TPPP: variants seen among roughly 807,000 people sequenced by gnomAD.
The protein encoded by TPPP is tubulin polymerization promoting protein, also known as tubulin polymerization-promoting protein.
Under a neutral mutation model 15.5 loss-of-function variants are expected in TPPP, and 6 were observed. The observed-to-expected ratio is 0.39, with a 90% confidence interval of 0.21 to 0.77. The LOEUF is 0.77. Ranked by LOEUF, TPPP falls within the 30% of genes least tolerant of loss-of-function variation. TPPP has a pLI of 0.42. For synonymous variants in TPPP, 146 were observed against 133.9 expected, an observed-to-expected ratio of 1.09 and a Z score of -0.63; for missense variants, 269 against 307.2, an observed-to-expected ratio of 0.88 and a Z score of 0.93.
In TPPP at chr5:660,540, C is replaced by T. The variant is rs1339963076; in HGVS notation, c.*4562G>A. 6.6e-6 allele frequency: 1 copy of T among 152,458 alleles called. No individual in the cohort carries two copies. The highest frequency in any genetic ancestry group is 6.5e-5 in the Admixed American group (1 of 15,286). The allele number at this position is 152,458 out of a possible 1,614,324, so 9.4% of individuals were successfully genotyped here. A position where few individuals can be genotyped will look rare whatever the true frequency, so the allele number is the denominator to read the frequency against. ...ATCACGGTCCAGCCTCATCTTCCCC[C>T]TGTGCCATCCCCTCGTGGTGTGTGC... On this transcript the variant is annotated 3_prime_UTR_variant, in exon 4 of 4. Coordinates refer to ENST00000360578, the MANE Select transcript of TPPP (RefSeq NM_007030.3).
chr5:693,662 C>A (rs1226970635), upstream of TPPP, among the ~76,000 whole-genome samples: 2 of 151,618 alleles, frequency 1.3e-5, no homozygotes, highest in Non-Finnish European at 2.9e-5. Flanking sequence ...TCACCTGGCT[C>A]TGGGGCCCCC....
chr5:673,792 T>A (rs1740306564), intron 2 of TPPP, among the ~76,000 whole-genome samples: 1 of 152,138 alleles, frequency 6.6e-6, no homozygotes, highest in African/African-American at 2.4e-5. Flanking sequence ...CAGCCCTGCC[T>A]CTGGGAACAG....
At chr5:669,951 G>GA (rs1740148674) in intron 2 of TPPP, among the ~76,000 whole-genome samples, 1 of 152,130 alleles carries the variant, frequency 6.6e-6, no homozygotes. Context: ...TCCGAGTGTG[G>GA]AGCTCGGCAT....
intron 1 of TPPP, among the ~76,000 whole-genome samples, chr5:682,970 C>T (rs887791191): frequency 3.3e-5 from 5 of 152,090 alleles, no homozygotes; most frequent in African/African-American, 1.2e-4. Context: ...AGCCAGCCCT[C>T]GGCCCTGCTC....
chr5:684,336 G>C (rs550998278), intron 1 of TPPP, among the ~76,000 whole-genome samples: 187 of 152,324 alleles, frequency 1.2e-3, no homozygotes, highest in Non-Finnish European at 2.3e-3. Context: ...CGCCTGGCCA[G>C]CAGGGCTGAG....
intron 1 of TPPP, among the ~76,000 whole-genome samples, chr5:685,708 C>T (rs958118753): frequency 2.6e-5 from 4 of 152,234 alleles, no homozygotes; most frequent in African/African-American, 9.6e-5. Context: ...TCTTGGCCCC[C>T]ATCTGCAGAG....
In TPPP at chr5:660,470, A is replaced by C. The variant is rs1393126295; in HGVS notation, c.*4632T>G. 1 of 152,394 alleles carries C rather than the reference A, an allele frequency of 6.6e-6. No individual in the cohort carries two copies. Among genetic ancestry groups the C allele is most frequent in the Non-Finnish European group, 1.5e-5 (1 of 68,058 alleles). 9.4% of individuals were successfully genotyped at this position (152,394 alleles called of 1,614,324 possible). A position where few individuals can be genotyped will look rare whatever the true frequency, so the allele number is the denominator to read the frequency against. On this transcript the variant is annotated 3_prime_UTR_variant, in exon 4 of 4. Coordinates refer to ENST00000360578, the MANE Select transcript of TPPP (RefSeq NM_007030.3). The stretch of plus-strand genomic sequence containing the variant: ...AAGTGTTCAGTAGTAAGAGGAGGAA[A>C]GATGCAGGTTCAGTGTTTGAAGGAC...
chr5:669,744 G>A (rs915631651), intron 2 of TPPP, among the ~76,000 whole-genome samples: 3 of 152,100 alleles, frequency 2.0e-5, no homozygotes, highest in African/African-American at 7.2e-5. Flanking sequence ...GTGTCTCGGG[G>A]AAAGGGCGCC....
chr5:676,827 CGCACACGT>C (rs930678272), intron 2 of TPPP, among the ~76,000 whole-genome samples: 5 of 100,222 alleles, frequency 5.0e-5, no homozygotes, highest in Non-Finnish European at 8.5e-5. Context: ...TGCACACATG[CGCACACGT>C]GCACACACGA....
rs1739792699 is a variant in TPPP, at chr5:663,975, G to C, written c.*1127C>G. The C allele has an allele frequency of 6.6e-6, 1 of 152,656 alleles. No homozygotes were observed. The highest frequency in any genetic ancestry group is 6.5e-5 in the Admixed American group (1 of 15,288). 9.5% of individuals were successfully genotyped at this position (152,656 alleles called of 1,614,324 possible). On this transcript the variant is annotated 3_prime_UTR_variant, in exon 4 of 4. Coordinates refer to ENST00000360578, the MANE Select transcript of TPPP (RefSeq NM_007030.3). ...AGACAGGCAAGGGCGGGCCGCCTGGGTGTGTCCTGGCAGTGTGGAGTGTCC... is the reference window on the plus strand; with the variant it reads ...AGACAGGCAAGGGCGGGCCGCCTGGCTGTGTCCTGGCAGTGTGGAGTGTCC...
intron 2 of TPPP, among the ~76,000 whole-genome samples, chr5:673,529 TG>T (rs1012260940): frequency 8.5e-5 from 13 of 152,256 alleles, no homozygotes; most frequent in African/African-American, 3.1e-4. Flanking sequence ...CCACCTGAGC[TG>T]CTGCCCGCAG....
intron 1 of TPPP, among the ~76,000 whole-genome samples, chr5:688,545 C>T (rs1187163234): frequency 1.4e-4 from 22 of 152,128 alleles, no homozygotes; most frequent in Non-Finnish European, 2.9e-5. Flanking sequence ...ATCCCACTCC[C>T]GGAACACGAA....
At chr5:698,848 G>A in the TPPP span, among the ~76,000 whole-genome samples, 3 of 151,978 alleles carry the variant, frequency 2.0e-5, no homozygotes, top group Admixed American at 6.6e-5. Context: ...TTAATGTACA[G>A]AAATCAATAG....
upstream of TPPP, among the ~76,000 whole-genome samples, chr5:696,105 T>G: frequency 8.3e-6 from 1 of 120,110 alleles, no homozygotes; most frequent in African/African-American, 3.3e-5. Context: ...GGGTTTGGGG[T>G]TGGGTTTTGT....
intron 2 of TPPP, among the ~76,000 whole-genome samples, chr5:671,709 G>A (rs187422385): frequency 4.6e-5 from 7 of 152,324 alleles, no homozygotes; most frequent in Admixed American, 1.3e-4. Flanking sequence ...GGGTCCCCCC[G>A]CAGGGGCTCC....
chr5:669,012 C>A (rs1740080022), intron 2 of TPPP, among the ~76,000 whole-genome samples: 1 of 152,230 alleles, frequency 6.6e-6, no homozygotes, highest in South Asian at 2.1e-4. Context: ...CCTAAAGACA[C>A]AACAGACACC....
At chr5:684,705 C>G (rs1740720583) in intron 1 of TPPP, among the ~76,000 whole-genome samples, 1 of 151,906 alleles carries the variant, frequency 6.6e-6, no homozygotes, top group African/African-American at 2.4e-5. Context: ...ACCCCGCCAG[C>G]CCCCACTCCT....
chr5:667,904 C>A (rs1467223602), intron 2 of TPPP, among the ~76,000 whole-genome samples: 2 of 73,258 alleles, frequency 2.7e-5, no homozygotes, highest in Admixed American at 2.4e-4. Context: ...GTGTGGGCGC[C>A]GTCAGGGAAG....
At chr5:684,867 C>T (rs1340550305) in intron 1 of TPPP, among the ~76,000 whole-genome samples, 5 of 152,318 alleles carry the variant, frequency 3.3e-5, no homozygotes, top group Admixed American at 6.5e-5. Context: ...AGAACAAAGC[C>T]GGCAGTTTTG....
Sources: allele counts gnomAD v4.1 joint callset (sites outside exome capture counted in the v4.1 genomes callset), GRCh38; gene constraint gnomAD v4.1.1; transcripts MANE v1.5; gene names NCBI Gene and HGNC (gene_info 2026-07-23, HGNC 2026-07-21).